ADARB2: variants seen among roughly 807,000 people sequenced by gnomAD.
The protein encoded by ADARB2 is inactive double-stranded RNA-specific editase B2.
In ADARB2, 25 loss-of-function variants were observed where a neutral mutation model predicts 62.2. That is an observed-to-expected ratio of 0.40 (90% CI 0.29 to 0.56). ADARB2 has a LOEUF of 0.56. ADARB2 is among the 20% of genes least tolerant of loss of function. The probability of loss-of-function intolerance (pLI) is 0.43; values close to 1 mark genes in which losing one functional copy is unlikely to be tolerated. For synonymous variants in ADARB2, 572 were observed against 500.8 expected (o/e 1.14, Z -1.90); for missense variants, 1,071 against 1,077.4 (o/e 0.99, Z 0.08).
Position 1,426,831 on chromosome 10 carries a change from C to A in ADARB2, c.101-47671G>T, listed in dbSNP as rs1238801992. On this transcript the variant is annotated intron_variant, in intron 1 of 9. Coordinates refer to ENST00000381312, the MANE Select transcript of ADARB2 (RefSeq NM_018702.4). The surrounding 1 kb of genome is among the most constrained non-coding windows in gnomAD (Gnocchi z 4.1). ...TCTATACCCTGCTTCTCCCTTCAGA[C>A]AAGGGGCAGACTCCTAAGAAGGCAG... Among the ~76,000 whole-genome samples the A allele has an allele frequency of 6.6e-6, 1 of 152,240 alleles. No homozygotes were observed. The highest frequency in any genetic ancestry group is 1.9e-4 in the East Asian group (1 of 5,198).
chr10:1,539,112 C>A (rs1832376330), intron 1 of ADARB2, among the ~76,000 whole-genome samples: 1 of 152,204 alleles, frequency 6.6e-6, no homozygotes, highest in African/African-American at 2.4e-5. Flanking sequence ...GGAGGGGAGG[C>A]AAGGCCAGAG....
intron 3 of ADARB2, among the ~76,000 whole-genome samples, chr10:1,320,493 C>T (rs937478499): frequency 7.9e-5 from 12 of 152,216 alleles, no homozygotes; most frequent in Admixed American, 2.6e-4. Context: ...CTTAGGGTAT[C>T]TCCTTGGTGA....
intron 1 of ADARB2, among the ~76,000 whole-genome samples, chr10:1,449,291 T>C (rs1322768747): frequency 6.6e-6 from 1 of 152,184 alleles, no homozygotes; most frequent in Non-Finnish European, 1.5e-5. Flanking sequence ...TGTATTAGGA[T>C]CTGGTGAGAT....
At chr10:1,492,803 C>T (rs1158965896) in intron 1 of ADARB2, among the ~76,000 whole-genome samples, 4 of 151,868 alleles carry the variant, frequency 2.6e-5, no homozygotes, top group African/African-American at 7.3e-5. Flanking sequence ...AGGTGGGAGA[C>T]GAGGCCAGGA....
chr10:1,354,632 C>T (rs997597384), intron 3 of ADARB2, among the ~76,000 whole-genome samples: 7 of 152,170 alleles, frequency 4.6e-5, no homozygotes, highest in Admixed American at 2.0e-4. Flanking sequence ...GGAGAGGGAT[C>T]GGGGAGCAGG....
Position 1,205,418 on chromosome 10 carries a change from T to G in ADARB2, c.1683-5271A>C, listed in dbSNP as rs574341520. 9.4e-4 allele frequency among the ~76,000 whole-genome samples: 100 copies of G among 106,450 alleles called. 2 individuals carry two copies. The highest frequency in any genetic ancestry group is 6.5e-3 in the South Asian group (22 of 3,402). The allele number at this position is 106,450 out of a possible 152,430, so 69.8% of individuals were successfully genotyped here. A position where few individuals can be genotyped will look rare whatever the true frequency, so the allele number is the denominator to read the frequency against. Reference sequence around the variant, plus strand: ...GCACAGCCTGAGGGAGACAACTCACTGGAGCCCGTGGCACAGCCTGAGGGA... The same window carrying G: ...GCACAGCCTGAGGGAGACAACTCACGGGAGCCCGTGGCACAGCCTGAGGGA... On this transcript the variant is annotated intron_variant, in intron 7 of 9. Coordinates refer to ENST00000381312, the MANE Select transcript of ADARB2 (RefSeq NM_018702.4).
chr10:1,390,303 C>T (rs1350105093), intron 1 of ADARB2, among the ~76,000 whole-genome samples: 1 of 152,168 alleles, frequency 6.6e-6, no homozygotes, highest in Non-Finnish European at 1.5e-5. Context: ...CTGAAGGGTG[C>T]TTGTAGATTG....
chr10:1,336,925 C>G (rs531231427), intron 3 of ADARB2, among the ~76,000 whole-genome samples: 2 of 152,264 alleles, frequency 1.3e-5, no homozygotes, highest in East Asian at 3.9e-4. Context: ...TTCTTCTTTT[C>G]CATCTAAACA....
chr10:1,297,736 A>T (rs1831535784), intron 3 of ADARB2, among the ~76,000 whole-genome samples: 1 of 152,170 alleles, frequency 6.6e-6, no homozygotes, highest in African/African-American at 2.4e-5. Flanking sequence ...ACCGGGGGGC[A>T]CACCTTTTTC....
intron 4 of ADARB2, among the ~76,000 whole-genome samples, chr10:1,257,698 G>T (rs1328045729): frequency 3.9e-5 from 6 of 152,172 alleles, no homozygotes; most frequent in South Asian, 2.1e-4. Flanking sequence ...ACAGCATAGG[G>T]CAGGAAGCCA....
chr10:1,579,205 C>T (rs1309841923), intron 1 of ADARB2, among the ~76,000 whole-genome samples: 1 of 152,136 alleles, frequency 6.6e-6, no homozygotes, highest in Non-Finnish European at 1.5e-5. Flanking sequence ...CTGGGAATGT[C>T]GGTCACCTGT....
In ADARB2 at chr10:1,385,763, C is replaced by T. The variant is rs117227601; in HGVS notation, c.101-6603G>A. 1.3e-3 allele frequency among the ~76,000 whole-genome samples: 201 copies of T among 152,216 alleles called. 3 individuals are homozygous for T. The East Asian group carries it at 0.03, about 23-fold the overall frequency. Reference sequence around the variant, plus strand: ...TAAAAGTTTTCAATTCTTTTAGACACATCAAATCACAGATCCAAGTATCTC... The same window carrying T: ...TAAAAGTTTTCAATTCTTTTAGACATATCAAATCACAGATCCAAGTATCTC... On this transcript the variant is annotated intron_variant, in intron 1 of 9. Coordinates refer to ENST00000381312, the MANE Select transcript of ADARB2 (RefSeq NM_018702.4).
rs201223787 is a variant in ADARB2, at chr10:1,566,078, A to C, written c.100+170973T>G. ...CTCAGTCTAGCAAAAAAAAAAAAAA[A>C]AAAAAAAAAAAAAAAAAAAAAAAAA... On this transcript the variant is annotated intron_variant, in intron 1 of 9. Coordinates refer to ENST00000381312, the MANE Select transcript of ADARB2 (RefSeq NM_018702.4). 5.1e-3 allele frequency among the ~76,000 whole-genome samples: 229 copies of C among 44,820 alleles called. 6 individuals are homozygous for C. Among genetic ancestry groups the C allele is most frequent in the African/African-American group, 0.012 (186 of 15,492 alleles). The allele number at this position is 44,820 out of a possible 152,430, so 29.4% of individuals were successfully genotyped here.
At chr10:1,207,319 T>C (rs1226629503) in intron 7 of ADARB2, among the ~76,000 whole-genome samples, 1 of 152,214 alleles carries the variant, frequency 6.6e-6, no homozygotes, top group Non-Finnish European at 1.5e-5. Context: ...CACTCTAGCC[T>C]GGGTGACAAG....
chr10:1,602,765 A>C (rs1043852998), intron 1 of ADARB2, among the ~76,000 whole-genome samples: 5 of 151,770 alleles, frequency 3.3e-5, no homozygotes, highest in South Asian at 4.2e-4. Context: ...ACCTGTACAT[A>C]CACACACATC....
intron 1 of ADARB2, among the ~76,000 whole-genome samples, chr10:1,400,964 C>A (rs1163815409): frequency 6.6e-6 from 1 of 152,188 alleles, no homozygotes; most frequent in Non-Finnish European, 1.5e-5. Context: ...GGAAGAAGGC[C>A]TGAGAATCAT....
At chr10:1,517,032 C>A (rs1204572777) in intron 1 of ADARB2, among the ~76,000 whole-genome samples, 1 of 152,208 alleles carries the variant, frequency 6.6e-6, no homozygotes, top group Non-Finnish European at 1.5e-5. Context: ...GTGGGAGGAA[C>A]ATTTGATCCC....
chr10:1,640,289 C>T (rs539710623), intron 1 of ADARB2, among the ~76,000 whole-genome samples: 39 of 152,176 alleles, frequency 2.6e-4, no homozygotes, highest in Non-Finnish European at 3.4e-4. Context: ...TCCTTCTGAA[C>T]GCCTGCTTCT....
chr10:1,317,180 C>G (rs1015249763), intron 3 of ADARB2, among the ~76,000 whole-genome samples: 4 of 152,162 alleles, frequency 2.6e-5, no homozygotes, highest in African/African-American at 9.7e-5. Flanking sequence ...TTTTTTAGTT[C>G]CCTCACTTGT....
Sources: gnomAD v4.1 joint callset for allele counts (sites outside exome capture counted in the v4.1 genomes callset) on GRCh38, gnomAD v4.1.1 for gene constraint, Gnocchi (gnomAD v3.1) non-coding constraint, MANE v1.5 for transcripts, NCBI Gene and HGNC (gene_info 2026-07-23, HGNC 2026-07-21) for gene names.